The following EDIL3 variants were observed in gnomAD, a reference collection of about 807,000 sequenced individuals.
EDIL3 encodes EGF-like repeat and discoidin I-like domain-containing protein 3.
Under a neutral mutation model 67.4 loss-of-function variants are expected in EDIL3, and 37 were observed. That is an observed-to-expected ratio of 0.55 (90% confidence interval 0.42 to 0.72). The LOEUF is 0.72. Ranked by LOEUF, EDIL3 falls within the 30% of genes least tolerant of loss-of-function variation. The pLI, the probability that EDIL3 is intolerant of heterozygous loss-of-function variation, is 0.00. For synonymous variants in EDIL3, 195 were observed against 196.3 expected (o/e 0.99, Z 0.05); for missense variants, 527 against 586.3 (o/e 0.90, Z 1.04).
At chr5:84,276,946 T>C (rs1745595000) in intron 1 of EDIL3, among the ~76,000 whole-genome samples, 1 of 152,160 alleles carries the variant, frequency 6.6e-6, no homozygotes, top group African/African-American at 2.4e-5. Context: ...AAAGAATAAA[T>C]AAACTACATC....
intron 3 of EDIL3, among the ~76,000 whole-genome samples, chr5:84,213,842 T>G (rs1210909046): frequency 6.6e-6 from 1 of 152,182 alleles, no homozygotes; most frequent in East Asian, 1.9e-4. Context: ...GAAAATAAAT[T>G]ACTTGAAGAT....
At chr5:84,278,161 A>G (rs1745625921) in intron 1 of EDIL3, among the ~76,000 whole-genome samples, 1 of 152,218 alleles carries the variant, frequency 6.6e-6, no homozygotes. Flanking sequence ...GATGAGTAAG[A>G]GTTTATGTAT....
At chr5:84,218,161 A>T (rs1264612857) in intron 3 of EDIL3, among the ~76,000 whole-genome samples, 1 of 152,210 alleles carries the variant, frequency 6.6e-6, no homozygotes, top group African/African-American at 2.4e-5. Flanking sequence ...CCCCAAGCTT[A>T]AAAATGTGAC....
chr5:83,992,962 A>G (rs1177356050), intron 9 of EDIL3, among the ~76,000 whole-genome samples: 1 of 152,096 alleles, frequency 6.6e-6, no homozygotes, highest in Non-Finnish European at 1.5e-5. Context: ...TTTGGTTCAG[A>G]TTTAGTGCCT....
chr5:84,096,014 C>T (rs141040703), intron 6 of EDIL3, among the ~76,000 whole-genome samples: 203 of 152,174 alleles, frequency 1.3e-3, no homozygotes, highest in Middle Eastern at 6.8e-3. Context: ...TTTATGAAGT[C>T]AATAATTGGG....
chr5:84,141,489 T>C (rs906748388), intron 4 of EDIL3, among the ~76,000 whole-genome samples: 2 of 146,948 alleles, frequency 1.4e-5, no homozygotes, highest in African/African-American at 2.5e-5. Flanking sequence ...TATTTCATAA[T>C]TATATATATT....
At chr5:84,070,057 G>C (rs1202749471) in intron 6 of EDIL3, among the ~76,000 whole-genome samples, 1 of 152,020 alleles carries the variant, frequency 6.6e-6, no homozygotes, top group Non-Finnish European at 1.5e-5. Context: ...AGTTGGAGGA[G>C]AGTCCTGCCG....
intron 3 of EDIL3, among the ~76,000 whole-genome samples, chr5:84,202,781 A>G (rs1694462863): frequency 6.6e-6 from 1 of 152,194 alleles, no homozygotes; most frequent in African/African-American, 2.4e-5. Flanking sequence ...AAGACAGAGA[A>G]GAGAAAGCAG....
At chr5:84,127,266 T>A (rs1267550188) in intron 5 of EDIL3, among the ~76,000 whole-genome samples, 2 of 152,132 alleles carry the variant, frequency 1.3e-5, no homozygotes, top group Non-Finnish European at 2.9e-5. Flanking sequence ...GACTTTGCTC[T>A]GGCTCTCCTT....
intron 1 of EDIL3, among the ~76,000 whole-genome samples, chr5:84,374,647 C>A (rs548489722): frequency 1.3e-5 from 2 of 152,082 alleles, no homozygotes; most frequent in African/African-American, 4.8e-5. Context: ...AAATATTATC[C>A]CAAATTGCAA....
intron 3 of EDIL3, among the ~76,000 whole-genome samples, chr5:84,220,666 C>T (rs1242363855): frequency 2.0e-5 from 3 of 152,032 alleles, no homozygotes; most frequent in Admixed American, 2.0e-4. Context: ...CATTTTTGTT[C>T]ATGTATCAAC....
chr5:84,113,954 A>ACCT (rs1747618435), intron 5 of EDIL3, among the ~76,000 whole-genome samples: 1 of 152,012 alleles, frequency 6.6e-6, no homozygotes, highest in Non-Finnish European at 1.5e-5. Context: ...ATTAGTGATG[A>ACCT]CCTCCAGTAC....
intron 4 of EDIL3, among the ~76,000 whole-genome samples, chr5:84,158,646 C>T (rs897407391): frequency 1.3e-5 from 2 of 151,984 alleles, no homozygotes; most frequent in African/African-American, 4.8e-5. Flanking sequence ...TACTACTTAT[C>T]CCTCAATTAC....
In EDIL3 at chr5:84,360,135, T is replaced by G. The variant is rs575974358; in HGVS notation, c.67+24173A>C. On this transcript the variant is annotated intron_variant, in intron 1 of 10. Coordinates refer to ENST00000296591, the MANE Select transcript of EDIL3 (RefSeq NM_005711.5). ...GAAACTACTACCGAGTGGGAGCAGC[T>G]CAAAACCAGTGGATCAGGAGAGTTG... is the stretch of plus-strand genomic sequence containing the variant. Among the ~76,000 whole-genome samples the G allele has an allele frequency of 2.6e-5, 4 of 152,196 alleles. No homozygotes were observed. The South Asian group carries it at 8.3e-4, about 32-fold the overall frequency.
At chr5:84,112,155 TG>T (rs1209674652) in intron 5 of EDIL3, among the ~76,000 whole-genome samples, 1 of 152,104 alleles carries the variant, frequency 6.6e-6, no homozygotes, top group Non-Finnish European at 1.5e-5. Flanking sequence ...CTGTTAGTGA[TG>T]GGGAGTTTTT....
Position 83,985,838 on chromosome 5 carries a change from A to G in EDIL3, c.1138-22478T>C, listed in dbSNP as rs151002713. Among the ~76,000 whole-genome samples, 248 of 152,080 alleles carry G rather than the reference A, an allele frequency of 1.6e-3. 1 individual carries two copies. The highest frequency in any genetic ancestry group is 5.5e-3 in the African/African-American group (230 of 41,540). ...TAAATTCACTATTTTTATTTACACA[A>G]TTTTAAATCTGCTTTTCATAGTTGT... On this transcript the variant is annotated intron_variant, in intron 9 of 10. Coordinates refer to ENST00000296591, the MANE Select transcript of EDIL3 (RefSeq NM_005711.5).
chr5:84,347,638 G>T (rs752237603), intron 1 of EDIL3, among the ~76,000 whole-genome samples: 6 of 152,160 alleles, frequency 3.9e-5, no homozygotes, highest in Non-Finnish European at 8.8e-5. Flanking sequence ...TCTAATAGGA[G>T]TAATTCTTGC....
intron 5 of EDIL3, among the ~76,000 whole-genome samples, chr5:84,117,871 G>A (rs1251962139): frequency 1.3e-5 from 2 of 151,886 alleles, no homozygotes; most frequent in African/African-American, 4.8e-5. Flanking sequence ...ATAAAATGAT[G>A]CATATTCATT....
chr5:84,151,719 C>T (rs1002082938), intron 4 of EDIL3, among the ~76,000 whole-genome samples: 57 of 152,162 alleles, frequency 3.7e-4, no homozygotes, highest in Admixed American at 3.3e-3. Flanking sequence ...AAATCTGAAG[C>T]ATATAAAACT....
Sources: allele counts gnomAD v4.1 joint callset (sites outside exome capture counted in the v4.1 genomes callset), GRCh38; gene constraint gnomAD v4.1.1; transcripts MANE v1.5; gene names NCBI Gene and HGNC (gene_info 2026-07-23, HGNC 2026-07-21).